POFUT3: variants seen among roughly 807,000 people sequenced by gnomAD.
The protein encoded by POFUT3 is protein O-fucosyltransferase 3, also known as GDP-fucose protein O-fucosyltransferase 3.
chr8:33,363,836 G>A, the POFUT3 span, among the ~76,000 whole-genome samples: 1 of 152,154 alleles, frequency 6.6e-6, no homozygotes, highest in African/African-American at 2.4e-5. Context: ...AATTCTACCA[G>A]AGGTACAAGG....
the POFUT3 span, among the ~76,000 whole-genome samples, chr8:33,351,498 T>C: frequency 6.6e-6 from 1 of 151,902 alleles, no homozygotes; most frequent in Non-Finnish European, 1.5e-5. Context: ...AGCTGGTTGT[T>C]AAAAAAGAGC....
chr8:33,467,322 A>T, the POFUT3 span, among the ~76,000 whole-genome samples: 2 of 149,596 alleles, frequency 1.3e-5, no homozygotes, highest in African/African-American at 4.9e-5. Context: ...AGGTGTGGCC[A>T]GAGCACATTT....
the POFUT3 span, among the ~76,000 whole-genome samples, chr8:33,347,978 G>T: frequency 2.4e-4 from 37 of 152,222 alleles, no homozygotes; most frequent in African/African-American, 8.4e-4. Flanking sequence ...AGGAGTTCGA[G>T]ACTAGCCTGG....
chr8:33,440,984 G>C, the POFUT3 span, among the ~76,000 whole-genome samples: 1 of 152,058 alleles, frequency 6.6e-6, no homozygotes, highest in Non-Finnish European at 1.5e-5. Flanking sequence ...GAACAATCTA[G>C]ATAAGGTATA....
the POFUT3 span, among the ~76,000 whole-genome samples, chr8:33,424,757 AAG>A: frequency 6.6e-6 from 1 of 152,108 alleles, no homozygotes; most frequent in South Asian, 2.1e-4. Context: ...GCTAACCCAA[AAG>A]ATAAACTAGA....
chr8:33,456,114 C>T, the POFUT3 span, among the ~76,000 whole-genome samples: 1 of 152,144 alleles, frequency 6.6e-6, no homozygotes, highest in Non-Finnish European at 1.5e-5. Flanking sequence ...GTAGTTTGAT[C>T]CATGGGAGAT....
the POFUT3 span, among the ~76,000 whole-genome samples, chr8:33,357,788 A>G: frequency 6.6e-6 from 1 of 152,110 alleles, no homozygotes; most frequent in Non-Finnish European, 1.5e-5. Flanking sequence ...GTTTTCCCAA[A>G]TAATCTCCAC....
At chr8:33,317,701 C>T in the POFUT3 span, among the ~76,000 whole-genome samples, 1 of 152,076 alleles carries the variant, frequency 6.6e-6, no homozygotes, top group African/African-American at 2.4e-5. Flanking sequence ...TAAACACCCT[C>T]CTTTTTCCCC....
chr8:33,348,389 C>A, the POFUT3 span, among the ~76,000 whole-genome samples: 1 of 152,020 alleles, frequency 6.6e-6, no homozygotes, highest in South Asian at 2.1e-4. Flanking sequence ...CTCAAAGAGC[C>A]AGAATGTAGA....
chr8:33,418,083 G>A, the POFUT3 span, among the ~76,000 whole-genome samples: 2 of 152,078 alleles, frequency 1.3e-5, no homozygotes, highest in Non-Finnish European at 2.9e-5. Context: ...CTACAGCAAC[G>A]CACCATTTTG....
chr8:33,455,711 C>A, the POFUT3 span: 1 of 426,012 alleles, frequency 2.3e-6, no homozygotes, highest in Non-Finnish European at 4.7e-6. Flanking sequence ...ACCAGTCGGC[C>A]ATGGAGGCCA....
chr8:33,428,568 A>G, the POFUT3 span, among the ~76,000 whole-genome samples: 1 of 152,184 alleles, frequency 6.6e-6, no homozygotes, highest in African/African-American at 2.4e-5. Context: ...CCAAAAAACC[A>G]TCTTGATTAG....
At chr8:33,448,185 A>T in the POFUT3 span, among the ~76,000 whole-genome samples, 75,476 of 146,496 alleles carry the variant, frequency 0.52, 19,007 homozygotes, top group Non-Finnish European at 0.56. Context: ...TACAAAAAAA[A>T]ATTTTTTTTT....
At chr8:33,423,359 C>T in the POFUT3 span, among the ~76,000 whole-genome samples, 4 of 152,226 alleles carry the variant, frequency 2.6e-5, no homozygotes, top group Non-Finnish European at 5.9e-5. Context: ...GCCTTGACCT[C>T]CTGGGCTCAA....
At chr8:33,412,488 C>G in the POFUT3 span, among the ~76,000 whole-genome samples, 1 of 152,170 alleles carries the variant, frequency 6.6e-6, no homozygotes, top group Non-Finnish European at 1.5e-5. Context: ...AATGCTGAGG[C>G]CTGGGCTGTG....
chr8:33,425,547 AG>A, the POFUT3 span, among the ~76,000 whole-genome samples: 3 of 151,980 alleles, frequency 2.0e-5, no homozygotes, highest in Non-Finnish European at 4.4e-5. Flanking sequence ...GGTTAGGAGA[AG>A]CATGTTGGGA....
the POFUT3 span, among the ~76,000 whole-genome samples, chr8:33,430,527 CAA>C: frequency 6.6e-6 from 1 of 152,128 alleles, no homozygotes; most frequent in South Asian, 2.1e-4. Flanking sequence ...AATCACGTGT[CAA>C]AGACTTGAGA....
At chr8:33,429,554 G>A in the POFUT3 span, among the ~76,000 whole-genome samples, 6 of 152,176 alleles carry the variant, frequency 3.9e-5, no homozygotes, top group Admixed American at 2.6e-4. Flanking sequence ...TATAATTCAT[G>A]GCAGAAATGC....
the POFUT3 span, among the ~76,000 whole-genome samples, chr8:33,456,078 A>G: frequency 6.6e-6 from 1 of 152,194 alleles, no homozygotes; most frequent in African/African-American, 2.4e-5. Context: ...CAGCATTTTT[A>G]TGATGGAACA....
Sources: allele counts gnomAD v4.1 joint callset (sites outside exome capture counted in the v4.1 genomes callset), GRCh38; gene constraint gnomAD v4.1.1; transcripts MANE v1.5; gene names NCBI Gene and HGNC (gene_info 2026-07-23, HGNC 2026-07-21).